SP140: variants seen among roughly 807,000 people sequenced by gnomAD.
SP140 encodes the protein SP140 nuclear body protein.
In SP140, 81 loss-of-function variants were observed where a neutral mutation model predicts 125.0. The observed-to-expected ratio is 0.65, with a 90% CI of 0.54 to 0.78. The LOEUF (loss-of-function observed/expected upper bound fraction) is 0.78, where lower values mean the gene tolerates loss of function less well. Ranked by LOEUF, SP140 falls within the 30% of genes least tolerant of loss-of-function variation. The pLI is 0.00. For synonymous variants in SP140, 312 were observed against 354.0 expected, an observed-to-expected ratio of 0.88 and a Z score of 1.33; for missense variants, 858 against 1,037.0, an observed-to-expected ratio of 0.83 and a Z score of 2.37.
At chr2:230,226,315 C>T (rs2046339598) in intron 1 of SP140, among the ~76,000 whole-genome samples, 1 of 152,222 alleles carries the variant, frequency 6.6e-6, no homozygotes, top group African/African-American at 2.4e-5. Context: ...TGTTGTCACA[C>T]TTTCCAGGCT....
chr2:230,269,782 A>C (rs1468857054), intron 13 of SP140, 55 bp from the exon 14 acceptor site: 1 of 1,411,298 alleles, frequency 7.1e-7, no homozygotes, highest in Non-Finnish European at 1.0e-6. Flanking sequence ...AGGGTGCAGA[A>C]AATAGAGTCA....
rs181419156 is a variant in SP140 at position 230,272,446 on chromosome 2, G to A, written c.1498+1807G>A. 5.0e-3 allele frequency among the ~76,000 whole-genome samples: 764 copies of A among 152,172 alleles called. 8 individuals carry two copies. The highest frequency in any genetic ancestry group is 0.018 in the African/African-American group (731 of 41,520). On this transcript the variant is annotated intron_variant, in intron 15 of 26. Transcript: ENST00000392045. ...GGCAGGTAATTGAATCATAGGGGCCGGTTTTTCCTGTGCTATTCTCATAAT... is the reference window on the plus strand; with the variant it reads ...GGCAGGTAATTGAATCATAGGGGCCAGTTTTTCCTGTGCTATTCTCATAAT...
intron 12 of SP140, among the ~76,000 whole-genome samples, chr2:230,265,120 CTCGT>C (rs1273771404): frequency 6.6e-6 from 1 of 151,878 alleles, no homozygotes; most frequent in African/African-American, 2.4e-5. Flanking sequence ...AGCTAAGACT[CTCGT>C]TGGACATGTC....
At chr2:230,259,387 T>C (rs1402927017) in intron 12 of SP140, among the ~76,000 whole-genome samples, 1 of 151,984 alleles carries the variant, frequency 6.6e-6, no homozygotes, top group Non-Finnish European at 1.5e-5. Flanking sequence ...CTTAGGATGA[T>C]AGTCTCCAAG....
intron 26 of SP140, 26 bp from the exon 27 acceptor site, chr2:230,312,560 T>C (rs1399971900): frequency 3.4e-6 from 5 of 1,481,602 alleles, no homozygotes; most frequent in African/African-American, 2.8e-5. Context: ...TGAGGAGCAT[T>C]GTTTTTGTCT....
Position 230,313,209 on chromosome 2 carries a change from T to A in SP140, c.*525T>A, listed in dbSNP as rs540109882. On this transcript the variant is annotated 3_prime_UTR_variant, in exon 27 of 27. Transcript: ENST00000392045. ...ACATATGTTATTAAAATTTTTTTCC[T>A]CCTGTTTATCTGCTTTTGTCAATTT... 28 of 153,232 alleles carry A rather than the reference T, an allele frequency of 1.8e-4. No individual in the cohort carries two copies. The South Asian group carries it at 5.3e-3, about 29-fold the overall frequency. The allele number at this position is 153,232 out of a possible 1,614,324, so 9.5% of individuals were successfully genotyped here.
At chr2:230,224,425 AAGAGGGAGGGAGAGGGAGGG>A (rs1427269814), upstream of SP140, among the ~76,000 whole-genome samples, 1 of 117,370 alleles carries the variant, frequency 8.5e-6, no homozygotes, top group Admixed American at 1.0e-4. Flanking sequence ...TCTTGTTTTA[AAGAGGGAGGGAGAGGGAGGG>A]AGAGAGAGGG....
chr2:230,299,519 G>T (rs2058088810), intron 22 of SP140, among the ~76,000 whole-genome samples: 2 of 152,202 alleles, frequency 1.3e-5, no homozygotes, highest in African/African-American at 2.4e-5. Context: ...AGTACAATTT[G>T]CAGAGAGCCA....
rs2048195320 is a variant in SP140, at chr2:230,237,786, C to T, written c.238-427C>T. 6.6e-6 allele frequency among the ~76,000 whole-genome samples: 1 copy of T among 151,920 alleles called. No homozygotes were observed. The highest frequency in any genetic ancestry group is 6.6e-5 in the Admixed American group (1 of 15,266). On this transcript the variant is annotated intron_variant, in intron 2 of 26. Coordinates refer to ENST00000392045, the MANE Select transcript of SP140 (RefSeq NM_007237.5). The surrounding 1 kb of genome is among the most constrained non-coding windows in gnomAD (Gnocchi z 5.4). ...CTTAGGGATACTGAGGACAAGGCTTCTTCTTGTCTTTGTGAATTTTCTGTG... is the reference window on the plus strand; with the variant it reads ...CTTAGGGATACTGAGGACAAGGCTTTTTCTTGTCTTTGTGAATTTTCTGTG...
intron 12 of SP140, among the ~76,000 whole-genome samples, chr2:230,267,404 T>C (rs2053289481): frequency 6.6e-6 from 1 of 152,234 alleles, no homozygotes. Context: ...TCCCTACCTA[T>C]TACATTTATA....
At chr2:230,229,569 G>T (rs947637568) in intron 1 of SP140, among the ~76,000 whole-genome samples, 3 of 136,398 alleles carry the variant, frequency 2.2e-5, no homozygotes, top group African/African-American at 8.1e-5. Flanking sequence ...CTGGGTTCAC[G>T]CCATTCTCCT....
the SP140 span, among the ~76,000 whole-genome samples, chr2:230,193,234 T>A: frequency 7.2e-5 from 11 of 152,250 alleles, no homozygotes; most frequent in Admixed American, 6.5e-4. Flanking sequence ...ACCTTGAATT[T>A]ATATGGGTCC....
intron 10 of SP140, among the ~76,000 whole-genome samples, chr2:230,251,879 A>G (rs1575020272): frequency 6.6e-6 from 1 of 152,228 alleles, no homozygotes; most frequent in African/African-American, 2.4e-5. Context: ...ACAGACGTAC[A>G]TGTGACACCG....
intron 10 of SP140, among the ~76,000 whole-genome samples, chr2:230,251,790 G>A (rs892807987): frequency 6.6e-6 from 1 of 152,142 alleles, no homozygotes; most frequent in Non-Finnish European, 1.5e-5. Flanking sequence ...ACTCTGATAA[G>A]TGTTACATTT....
chr2:230,283,040 A>G (rs573978380), intron 15 of SP140, among the ~76,000 whole-genome samples: 6 of 152,282 alleles, frequency 3.9e-5, no homozygotes, highest in Non-Finnish European at 8.8e-5. Flanking sequence ...CTAACAAATG[A>G]CTGAGAATAG....
At position 230,211,685 on chromosome 2, in the gene SP140, G is replaced by A. The variant is rs1477509388; in HGVS notation, c.-322-1969G>A. 2.9e-6 allele frequency: 2 copies of A among 692,184 alleles called. No individual in the cohort carries two copies. The highest frequency in any genetic ancestry group is 5.3e-6 in the Non-Finnish European group (2 of 379,534). The allele number at this position is 692,184 out of a possible 1,614,324, so 42.9% of individuals were successfully genotyped here. On this transcript the variant is annotated intron_variant, in intron 1 of 4. Coordinates refer to the SP140 transcript ENST00000456542. The surrounding 1 kb of genome is among the most constrained non-coding windows in gnomAD (Gnocchi z 4.2). ...AGCAACCAAGGCCTGGGAAAGGATG[G>A]CATAGAGTGGGAAAGTAAGCAACCA... is the stretch of plus-strand genomic sequence containing the variant.
chr2:230,310,066 T>G (rs1283764992), intron 23 of SP140, 27 bp downstream of exon 23: 1 of 1,610,666 alleles, frequency 6.2e-7, no homozygotes, highest in Admixed American at 1.7e-5. Context: ...CGTCTCTCTT[T>G]TTGTCCTTTA....
chr2:230,230,734 T>G (rs2047120137), intron 1 of SP140, among the ~76,000 whole-genome samples: 1 of 152,216 alleles, frequency 6.6e-6, no homozygotes, highest in Non-Finnish European at 1.5e-5. Context: ...TCTAGATCAT[T>G]TGATATTTAT....
At chr2:230,314,848 C>A (rs1372237896), downstream of SP140, among the ~76,000 whole-genome samples, 3 of 152,194 alleles carry the variant, frequency 2.0e-5, no homozygotes, top group Non-Finnish European at 4.4e-5. Context: ...CCCCTGCAAG[C>A]TGGAATAATG....
Sources: allele counts gnomAD v4.1 joint callset (sites outside exome capture counted in the v4.1 genomes callset), GRCh38; gene constraint gnomAD v4.1.1; non-coding constraint Gnocchi (gnomAD v3.1); transcripts MANE v1.5; gene names NCBI Gene and HGNC (gene_info 2026-07-23, HGNC 2026-07-21).